The following ATRNL1 variants were observed in gnomAD, a reference collection of about 807,000 sequenced individuals.
ATRNL1 encodes the protein attractin-like protein 1.
In ATRNL1, 95 loss-of-function variants were observed where a neutral mutation model predicts 182.7. The ratio of observed to expected loss-of-function variants is 0.52; its 90% CI spans 0.44 to 0.62. The LOEUF is 0.62. ATRNL1 is among the 20% of genes least tolerant of loss of function. ATRNL1 has a pLI of 0.00. For synonymous variants in ATRNL1, 576 were observed against 568.3 expected (o/e 1.01, Z -0.19); for missense variants, 1,471 against 1,679.5 (o/e 0.88, Z 2.17).
intron 8 of ATRNL1, among the ~76,000 whole-genome samples, chr10:115,184,726 A>G (rs926262389): frequency 1.3e-5 from 2 of 151,934 alleles, no homozygotes; most frequent in Non-Finnish European, 2.9e-5. Flanking sequence ...ACAATTAAAT[A>G]AAAAAGGAAA....
At chr10:115,814,485 G>C (rs1950117063) in intron 27 of ATRNL1, among the ~76,000 whole-genome samples, 1 of 152,020 alleles carries the variant, frequency 6.6e-6, no homozygotes, top group Admixed American at 6.6e-5. Flanking sequence ...TTTAAATTTT[G>C]AAAATAAATT....
At position 115,420,310 on chromosome 10, in the gene ATRNL1, C is replaced by G. The variant is rs544257074; in HGVS notation, c.3270-5940C>G. Among the ~76,000 whole-genome samples the G allele has an allele frequency of 2.6e-5, 4 of 152,148 alleles. No individual in the cohort carries two copies. In the East Asian group the frequency reaches 5.8e-4, roughly 22 times the overall value. On this transcript the variant is annotated intron_variant, in intron 20 of 28. Coordinates refer to ENST00000355044, the MANE Select transcript of ATRNL1 (RefSeq NM_207303.4). ...CCACCTGCCTCGGCCTCCCAAAGTG[C>G]TGGGATTACAGGCATGAGCCATGGC... is the stretch of plus-strand genomic sequence containing the variant.
chr10:115,928,553 G>A (rs146752352), intron 28 of ATRNL1, among the ~76,000 whole-genome samples: 140 of 152,050 alleles, frequency 9.2e-4, no homozygotes, highest in Non-Finnish European at 1.5e-3. Flanking sequence ...CTGAATAAAT[G>A]TCTGTTTCTA....
At chr10:115,643,354 G>A (rs782529038) in intron 26 of ATRNL1, among the ~76,000 whole-genome samples, 4 of 151,874 alleles carry the variant, frequency 2.6e-5, no homozygotes, top group Non-Finnish European at 2.9e-5. Flanking sequence ...AAACCTAAAC[G>A]TAAAGCTGAA....
At chr10:115,639,275 G>T (rs560616094) in intron 26 of ATRNL1, among the ~76,000 whole-genome samples, 75 of 152,252 alleles carry the variant, frequency 4.9e-4, no homozygotes, top group African/African-American at 1.8e-3. Context: ...TTCAAACTGT[G>T]AATTCTGTGT....
At chr10:115,676,422 G>A (rs1945863016) in intron 26 of ATRNL1, among the ~76,000 whole-genome samples, 1 of 151,970 alleles carries the variant, frequency 6.6e-6, no homozygotes, top group Non-Finnish European at 1.5e-5. Flanking sequence ...GCAAAATTTA[G>A]TAGAATTATT....
chr10:115,825,495 A>G (rs1476543311), intron 27 of ATRNL1, among the ~76,000 whole-genome samples: 1 of 152,138 alleles, frequency 6.6e-6, no homozygotes, highest in East Asian at 1.9e-4. Flanking sequence ...TGGTACACTC[A>G]TGCTTAAAGT....
chr10:115,354,158 A>G (rs145382229), intron 19 of ATRNL1, among the ~76,000 whole-genome samples: 65 of 151,360 alleles, frequency 4.3e-4, no homozygotes, highest in African/African-American at 1.2e-3. Flanking sequence ...CTCATCCACT[A>G]TCATTAGTGA....
At chr10:115,137,802 C>T (rs1425143532) in intron 5 of ATRNL1, among the ~76,000 whole-genome samples, 1 of 152,184 alleles carries the variant, frequency 6.6e-6, no homozygotes, top group Non-Finnish European at 1.5e-5. Flanking sequence ...CTCATGTCCT[C>T]ACATTTCAAA....
intron 24 of ATRNL1, among the ~76,000 whole-genome samples, chr10:115,500,217 A>G (rs1263897608): frequency 6.6e-6 from 1 of 152,172 alleles, no homozygotes; most frequent in Non-Finnish European, 1.5e-5. Flanking sequence ...CTGAAGTTTA[A>G]GTTGTTTAGC....
At chr10:115,460,578 G>A (rs1176098384) in intron 21 of ATRNL1, among the ~76,000 whole-genome samples, 1 of 152,006 alleles carries the variant, frequency 6.6e-6, no homozygotes, top group Non-Finnish European at 1.5e-5. Context: ...TGTATTACTG[G>A]CACAGGCTTT....
At chr10:115,678,608 A>G (rs1319080910) in intron 26 of ATRNL1, among the ~76,000 whole-genome samples, 1 of 152,112 alleles carries the variant, frequency 6.6e-6, no homozygotes, top group Non-Finnish European at 1.5e-5. Flanking sequence ...TGCAAATAGC[A>G]TGATAATAAG....
intron 27 of ATRNL1, among the ~76,000 whole-genome samples, chr10:115,758,929 G>A (rs1266870440): frequency 1.3e-5 from 2 of 152,198 alleles, no homozygotes; most frequent in Non-Finnish European, 2.9e-5. Flanking sequence ...TAGAGTAGAT[G>A]CAACAGAATC....
intron 28 of ATRNL1, among the ~76,000 whole-genome samples, chr10:115,916,245 G>C (rs1479165374): frequency 6.6e-6 from 1 of 152,156 alleles, no homozygotes; most frequent in African/African-American, 2.4e-5. Context: ...TCCATGTTGT[G>C]GTCTCAACTT....
intron 20 of ATRNL1, among the ~76,000 whole-genome samples, chr10:115,396,041 T>C (rs1157743445): frequency 1.3e-5 from 2 of 151,766 alleles, no homozygotes; most frequent in African/African-American, 4.8e-5. Flanking sequence ...GCATGGAAAA[T>C]GATCCTTTTA....
At chr10:115,765,070 C>G (rs1044373365) in intron 27 of ATRNL1, among the ~76,000 whole-genome samples, 4 of 152,144 alleles carry the variant, frequency 2.6e-5, no homozygotes, top group African/African-American at 9.7e-5. Flanking sequence ...TATTCATTCA[C>G]CTACTGAAGG....
intron 16 of ATRNL1, among the ~76,000 whole-genome samples, chr10:115,300,990 C>T (rs1001250040): frequency 6.6e-6 from 1 of 152,084 alleles, no homozygotes; most frequent in Non-Finnish European, 1.5e-5. Flanking sequence ...TGAAATCATA[C>T]AGTATATGTG....
chr10:115,110,880 T>G (rs1844227906), intron 1 of ATRNL1, among the ~76,000 whole-genome samples: 1 of 152,224 alleles, frequency 6.6e-6, no homozygotes, highest in African/African-American at 2.4e-5. Context: ...GTCTTTGATT[T>G]CTTTGGTCTG....
At chr10:115,880,702 C>T (rs1470658086) in intron 28 of ATRNL1, among the ~76,000 whole-genome samples, 1 of 152,152 alleles carries the variant, frequency 6.6e-6, no homozygotes, top group Non-Finnish European at 1.5e-5. Context: ...TGTTGTAGAA[C>T]ATCTAGGCCA....
Sources: gnomAD v4.1 joint callset for allele counts (sites outside exome capture counted in the v4.1 genomes callset) on GRCh38, gnomAD v4.1.1 for gene constraint, MANE v1.5 for transcripts, NCBI Gene and HGNC (gene_info 2026-07-23, HGNC 2026-07-21) for gene names.